The following DNAJB4 variants were observed in gnomAD, a reference collection of about 807,000 sequenced individuals.
DNAJB4 encodes the protein DnaJ heat shock protein family (Hsp40) member B4.
Under a neutral mutation model 26.6 loss-of-function variants are expected in DNAJB4, and 10 were observed. The observed-to-expected ratio is 0.38, with a 90% CI of 0.23 to 0.64. DNAJB4 has a LOEUF of 0.64. Among genes scored for constraint, DNAJB4 ranks in the 30% least tolerant of loss-of-function variants. The pLI, the probability that DNAJB4 is intolerant of heterozygous loss-of-function variation, is 0.58. For synonymous variants in DNAJB4, 136 were observed against 134.8 expected, an observed-to-expected ratio of 1.01 and a Z score of -0.06; for missense variants, 328 against 408.2, an observed-to-expected ratio of 0.80 and a Z score of 1.69.
chr1:78,002,126 T>C (rs1278125732), upstream of DNAJB4, among the ~76,000 whole-genome samples: 1 of 152,206 alleles, frequency 6.6e-6, no homozygotes, highest in East Asian at 1.9e-4. Flanking sequence ...TTGGTTTTAT[T>C]TTAACCTTTA....
Position 78,016,998 on chromosome 1 carries a change from G to T in DNAJB4, c.*751G>T, listed in dbSNP as rs1185199731. On this transcript the variant is annotated 3_prime_UTR_variant, in exon 3 of 3. Coordinates refer to ENST00000370763, the MANE Select transcript of DNAJB4 (RefSeq NM_007034.5). ...AAATTATAGGCTCATTTTGTTCTCT[G>T]CTAGTTTAAAGTAATTCGTTTAATA... 6.6e-6 allele frequency: 1 copy of T among 151,950 alleles called. No individual in the cohort carries two copies. The highest frequency in any genetic ancestry group is 1.5e-5 in the Non-Finnish European group (1 of 67,906). The allele number at this position is 151,950 out of a possible 1,614,324, so 9.4% of individuals were successfully genotyped here. A position where few individuals can be genotyped will look rare whatever the true frequency, so the allele number is the denominator to read the frequency against.
rs760377085 is a variant in DNAJB4, at chr1:78,005,153, G to C, written c.43G>C (p.Ala15Pro). The change falls in exon 1 of 3, where the codon GCT becomes CCT. Residue 15 changes from alanine (A) to proline (P), a missense_variant. Transcript: ENST00000370763. The part of the protein sequence containing the change: ...YYCILGIEKG[A>P]SDEDIKKAYR... ...TTGCATTTTGGGAATTGAGAAAGGAGCTTCAGATGAAGATATTAAAAAGGC... is the reference window on the plus strand; with the variant it reads ...TTGCATTTTGGGAATTGAGAAAGGACCTTCAGATGAAGATATTAAAAAGGC... The C allele has an allele frequency of 6.2e-7, 1 of 1,613,970 alleles. No homozygotes were observed. Among genetic ancestry groups the C allele is most frequent in the African/African-American group, 1.3e-5 (1 of 74,926 alleles).
chr1:77,994,323 C>T (rs922673595), intron 1 of DNAJB4, among the ~76,000 whole-genome samples: 1 of 150,150 alleles, frequency 6.7e-6, no homozygotes, highest in Non-Finnish European at 1.5e-5. Context: ...ACTTGAGCCC[C>T]GGAGGCTGAG....
chr1:77,991,223 G>T (rs1428704201), intron 1 of DNAJB4, among the ~76,000 whole-genome samples: 1 of 152,156 alleles, frequency 6.6e-6, no homozygotes, highest in East Asian at 1.9e-4. Context: ...TTTGGTGCCT[G>T]TGTACTCATT....
intron 1 of DNAJB4, among the ~76,000 whole-genome samples, chr1:78,009,758 TG>T (rs1007288600): frequency 6.6e-6 from 1 of 152,212 alleles, no homozygotes; most frequent in African/African-American, 2.4e-5. Context: ...CCTGAGTAGC[TG>T]GGATTACAGG....
intron 1 of DNAJB4, among the ~76,000 whole-genome samples, chr1:77,983,625 A>G (rs1482426113): frequency 6.6e-6 from 1 of 152,196 alleles, no homozygotes; most frequent in Non-Finnish European, 1.5e-5. Context: ...GCATCTGTTT[A>G]ACAAAGCTCA....
chr1:78,002,426 A>G (rs1283652194), upstream of DNAJB4, among the ~76,000 whole-genome samples: 5 of 152,204 alleles, frequency 3.3e-5, no homozygotes, highest in African/African-American at 1.2e-4. Flanking sequence ...TGTAAGGGTA[A>G]AATATCTCCA....
intron 1 of DNAJB4, chr1:77,981,088 C>T (rs1456306561): frequency 1.3e-5 from 2 of 151,954 alleles, no homozygotes; most frequent in Non-Finnish European, 2.9e-5. Context: ...CTATAATTTA[C>T]CCTCAAAACA....
intron 1 of DNAJB4, among the ~76,000 whole-genome samples, chr1:77,983,735 G>A (rs1018209363): frequency 4.6e-5 from 7 of 152,154 alleles, no homozygotes; most frequent in African/African-American, 1.7e-4. Context: ...AGAATCTCAA[G>A]GCAGAAGAAT....
chr1:78,005,219 A>G lies in DNAJB4; in HGVS notation c.109A>G (p.Lys37Glu). ...CCTCAAATTTCATCCGGACAAGAAC[A>G]AATCTCCTCAGGCAGAGGAAAAATT... ...QALKFHPDKN[K>E]SPQAEEKFKE... The change falls in exon 1 of 3, where the codon AAA becomes GAA. Residue 37 changes from lysine (K) to glutamate (E), a missense_variant. Transcript: ENST00000370763. 1 of 1,614,156 alleles carries G rather than the reference A, an allele frequency of 6.2e-7. No individual in the cohort carries two copies. Among genetic ancestry groups the G allele is most frequent in the Non-Finnish European group, 8.5e-7 (1 of 1,179,994 alleles).
chr1:77,990,318 T>G (rs1488154081), intron 1 of DNAJB4, among the ~76,000 whole-genome samples: 1 of 152,208 alleles, frequency 6.6e-6, no homozygotes, highest in Non-Finnish European at 1.5e-5. Context: ...TTGTTCCTCC[T>G]TCACACTATA....
At chr1:78,000,877 G>A (rs1048340681), upstream of DNAJB4, among the ~76,000 whole-genome samples, 9 of 152,090 alleles carry the variant, frequency 5.9e-5, no homozygotes, top group East Asian at 1.9e-4. Context: ...CCAGCTATTC[G>A]GGAGGCTGAA....
chr1:77,993,399 C>CA (rs1356979160), intron 1 of DNAJB4, among the ~76,000 whole-genome samples: 1 of 152,048 alleles, frequency 6.6e-6, no homozygotes, highest in Non-Finnish European at 1.5e-5. Context: ...ACTGAACCTC[C>CA]ACCTCCCGGG....
intron 2 of DNAJB4, among the ~76,000 whole-genome samples, chr1:78,015,292 G>A (rs764520934): frequency 3.3e-5 from 5 of 152,090 alleles, no homozygotes; most frequent in Non-Finnish European, 7.4e-5. Flanking sequence ...AGAAATAGTT[G>A]CTCCTATCCA....
chr1:78,013,900 C>G (rs759972191), intron 2 of DNAJB4, among the ~76,000 whole-genome samples: 5 of 151,970 alleles, frequency 3.3e-5, no homozygotes, highest in African/African-American at 4.8e-5. Context: ...TTGGTAATCT[C>G]AACACATTAG....
chr1:77,989,316 C>T (rs949889870), intron 1 of DNAJB4, among the ~76,000 whole-genome samples: 1 of 152,180 alleles, frequency 6.6e-6, no homozygotes, highest in African/African-American at 2.4e-5. Flanking sequence ...ATATGTCTTA[C>T]ATGTTTTTAA....
chr1:78,014,419 T>C (rs781379997), intron 2 of DNAJB4, among the ~76,000 whole-genome samples: 7 of 151,872 alleles, frequency 4.6e-5, no homozygotes, highest in Non-Finnish European at 1.0e-4. Context: ...ATTTGTACTA[T>C]TTCTCAAATT....
chr1:77,982,866 A>G (rs538455440), intron 1 of DNAJB4, among the ~76,000 whole-genome samples: 7 of 152,208 alleles, frequency 4.6e-5, no homozygotes, highest in Non-Finnish European at 7.3e-5. Flanking sequence ...ATTGGACTAT[A>G]TGTGAATCCG....
chr1:77,992,033 C>G (rs1447394261), intron 1 of DNAJB4, among the ~76,000 whole-genome samples: 1 of 152,180 alleles, frequency 6.6e-6, no homozygotes, highest in African/African-American at 2.4e-5. Flanking sequence ...CAGTGATTCA[C>G]TATTCTCTAA....
Sources: allele counts gnomAD v4.1 joint callset (sites outside exome capture counted in the v4.1 genomes callset), GRCh38; gene constraint gnomAD v4.1.1; transcripts MANE v1.5; gene names NCBI Gene and HGNC (gene_info 2026-07-23, HGNC 2026-07-21).